The following STRADA variants were observed in gnomAD, a reference collection of about 807,000 sequenced individuals.
The protein encoded by STRADA is STE20 related adaptor alpha.
In STRADA, 26 loss-of-function variants were observed where a neutral mutation model predicts 55.0. The observed-to-expected ratio is 0.47, with a 90% CI of 0.35 to 0.66. The LOEUF (loss-of-function observed/expected upper bound fraction) is 0.66, where lower values mean the gene tolerates loss of function less well. Ranked by LOEUF, STRADA falls within the 30% of genes least tolerant of loss-of-function variation. The probability of loss-of-function intolerance (pLI) is 0.01; values close to 1 mark genes in which losing one functional copy is unlikely to be tolerated. For missense variants in STRADA, 443 were observed against 549.7 expected (o/e 0.81, Z 1.94); for synonymous variants, 197 against 210.9 (o/e 0.93, Z 0.57).
At chr17:63,734,256 T>C (rs951877780) in intron 1 of STRADA, among the ~76,000 whole-genome samples, 4 of 152,204 alleles carry the variant, frequency 2.6e-5, no homozygotes, top group African/African-American at 9.6e-5. Context: ...TCTAAGAAAC[T>C]TGTCACTGTT....
intron 2 of STRADA, chr17:63,728,127 G>A: frequency 1.9e-6 from 1 of 516,310 alleles, no homozygotes. Context: ...TATCAGACAA[G>A]CTGGTGGTAA....
chr17:63,717,509 C>G (rs2036976436), intron 4 of STRADA, among the ~76,000 whole-genome samples: 1 of 151,840 alleles, frequency 6.6e-6, no homozygotes, highest in South Asian at 2.1e-4. Flanking sequence ...TAGACAGACT[C>G]TCACTCTGTT....
intron 9 of STRADA, among the ~76,000 whole-genome samples, chr17:63,707,002 C>T (rs2143777527): frequency 6.6e-6 from 1 of 152,322 alleles, no homozygotes; most frequent in South Asian, 2.1e-4. Flanking sequence ...AATGCTCACT[C>T]TTCTCATAGG....
In STRADA at chr17:63,740,107, T is replaced by TATACACAC. The variant is rs1309095081; in HGVS notation, c.-45+1633_-45+1634insGTGTGTAT. Among the ~76,000 whole-genome samples the TATACACAC allele has an allele frequency of 1.8e-4, 9 of 49,648 alleles. 1 individual carries two copies. Among genetic ancestry groups the TATACACAC allele is most frequent in the Non-Finnish European group, 2.6e-4 (7 of 27,030 alleles). The allele number at this position is 49,648 out of a possible 152,430, so 32.6% of individuals were successfully genotyped here. ...AACACTATATATATATATATATATA[T>TATACACAC]ACATACATACATATATATATACACA... On this transcript the variant is annotated intron_variant, in intron 1 of 12. Transcript: ENST00000336174.
intron 1 of STRADA, among the ~76,000 whole-genome samples, chr17:63,728,742 A>ATT (rs2037825487): frequency 7.1e-6 from 1 of 141,492 alleles, no homozygotes; most frequent in Non-Finnish European, 1.6e-5. Context: ...CTATAAAAAA[A>ATT]AAAAAAAAAA....
At position 63,713,455 on chromosome 17, in the gene STRADA, C is replaced by T. The variant is rs1408932415; in HGVS notation, c.299G>A (p.Arg100Gln). ...YKPTGEYVTV[R>Q]RINLEACSNE... ...GGAACAAGCTTCTAGGTTAATCCTC[C>T]GTACAGTCACGTACTCTCCTGTTGG... Residue 100 changes from arginine (R) to glutamine (Q), a missense_variant, in exon 6 of 13, where the codon CGG becomes CAG. Coordinates refer to ENST00000336174, the MANE Select transcript of STRADA (RefSeq NM_001003787.4). The T allele has an allele frequency of 1.1e-5, 17 of 1,614,030 alleles. No individual in the cohort carries two copies. Among genetic ancestry groups the T allele is most frequent in the Non-Finnish European group, 1.4e-5 (17 of 1,180,028 alleles).
Position 63,714,059 on chromosome 17 carries a change from A to C in STRADA, c.173T>G (p.Val58Gly). 6.2e-7 allele frequency: 1 copy of C among 1,613,754 alleles called. No individual in the cohort carries two copies. The highest frequency in any genetic ancestry group is 1.1e-5 in the South Asian group (1 of 91,070). ...TCCCTCTGGCAGAAAGCTACTCATG[A>C]CCTCCTGTTTAGAGAAGGATGCTAT... is the stretch of plus-strand genomic sequence containing the variant. ...ESIASFSKQE[V>G]MSSFLPEGGC... is the part of the protein sequence containing the mutation. Residue 58 changes from valine to glycine, a missense_variant, in exon 5 of 13, where the codon GTC becomes GGC. By Grantham distance (109) the Val-to-Gly change is moderately radical. Coordinates refer to ENST00000336174, the MANE Select transcript of STRADA (RefSeq NM_001003787.4).
At chr17:63,707,222 A>C in intron 9 of STRADA, 25 bp downstream of exon 9, 2 of 1,611,692 alleles carry the variant, frequency 1.2e-6, no homozygotes, top group Non-Finnish European at 1.7e-6. Flanking sequence ...TGGGTAGGGG[A>C]GCTCCTCTGG....
intron 5 of STRADA, 125 bp downstream of exon 5, chr17:63,713,881 T>C: frequency 1.3e-6 from 1 of 793,322 alleles, no homozygotes; most frequent in Non-Finnish European, 2.1e-6. Flanking sequence ...CAGAAGCAAG[T>C]CTGTGCCCAT....
intron 4 of STRADA, among the ~76,000 whole-genome samples, chr17:63,721,863 G>A (rs1419149617): frequency 6.6e-6 from 1 of 152,188 alleles, no homozygotes; most frequent in Non-Finnish European, 1.5e-5. Context: ...TAAAATGGAG[G>A]CCTTCTACTT....
chr17:63,724,248 T>C lies in STRADA; in HGVS notation c.95-922A>G, dbSNP rs570142718. ...ACCTCCGCCTCCCGGGTTCAAGCGATTCTCCTGCCTCAGCCTCCCAAGTAG... is the reference window on the plus strand; with the variant it reads ...ACCTCCGCCTCCCGGGTTCAAGCGACTCTCCTGCCTCAGCCTCCCAAGTAG... On this transcript the variant is annotated intron_variant, in intron 3 of 12. Coordinates refer to ENST00000336174, the MANE Select transcript of STRADA (RefSeq NM_001003787.4). Among the ~76,000 whole-genome samples the C allele has an allele frequency of 4.3e-4, 66 of 151,908 alleles. 1 individual carries two copies. The highest frequency in any genetic ancestry group is 1.6e-3 in the African/African-American group (65 of 41,412).
chr17:63,714,019 C>T lies in STRADA; in HGVS notation c.213G>A (p.Leu71=). ...CCCTGCACATACCTATCACAGTGAG[C>T]AGCTCGTAACACCCTCCCTCTGGCA... ...SFLPEGGCYE[L]LTVIGKGFED... The change falls in exon 5 of 13, where the codon CTG becomes CTA. Residue 71 remains leucine (L), a synonymous_variant. Transcript: ENST00000336174. The T allele has an allele frequency of 6.2e-7, 1 of 1,613,528 alleles. No individual in the cohort carries two copies. Among genetic ancestry groups the T allele is most frequent in the Admixed American group, 1.7e-5 (1 of 59,998 alleles).
rs775156758 is a variant in STRADA, at chr17:63,740,137, T to TACATAC, written c.-45+1603_-45+1604insGTATGT. Among the ~76,000 whole-genome samples, 6 of 60,880 alleles carry TACATAC rather than the reference T, an allele frequency of 9.9e-5. No homozygotes were observed. The South Asian group carries it at 3.4e-3, about 34-fold the overall frequency. The allele number at this position is 60,880 out of a possible 152,430, so 39.9% of individuals were successfully genotyped here. ...ACATACATATATATATACACATACATATATATATATACACACACACACACA... is the reference window on the plus strand; with the variant it reads ...ACATACATATATATATACACATACATACATACATATATATATACACACACACACACA... On this transcript the variant is annotated intron_variant, in intron 1 of 12. Coordinates refer to ENST00000336174, the MANE Select transcript of STRADA (RefSeq NM_001003787.4).
chr17:63,725,616 T>A (rs1441145826), intron 3 of STRADA: 3 of 152,180 alleles, frequency 2.0e-5, no homozygotes, highest in Non-Finnish European at 4.4e-5. Context: ...CCTCCCAAAG[T>A]GCTGGGATTA....
chr17:63,731,036 C>T (rs1431839066), intron 1 of STRADA, among the ~76,000 whole-genome samples: 1 of 151,740 alleles, frequency 6.6e-6, no homozygotes, highest in Non-Finnish European at 1.5e-5. Context: ...CTCCGACTCC[C>T]AGGTTCCAGC....
chr17:63,741,889 G>A (rs1181337655), upstream of STRADA: 1 of 152,286 alleles, frequency 6.6e-6, no homozygotes. Flanking sequence ...AGAGCGCTCC[G>A]CCCCACCCCG....
Position 63,713,429 on chromosome 17 carries a change from TG to T in STRADA, c.324del (p.Asn109MetfsTer4). 1 of 1,614,146 alleles carries T rather than the reference TG, an allele frequency of 6.2e-7. No individual in the cohort carries two copies. The highest frequency in any genetic ancestry group is 2.2e-5 in the East Asian group (1 of 44,876). ...ACCTGCAAGAATGTTACCATCTCAT[TG>T]GAACAAGCTTCTAGGTTAATCCTCC... ...TVRRINLEACSNEMVTFLQGE... is the reference protein window; with the variant it reads ...TVRRINLEACXNEMVTFLQGE... On this transcript the variant is annotated frameshift_variant, in exon 6 of 13. Transcript: ENST00000336174. LOFTEE classifies it high-confidence loss of function.
At chr17:63,712,527 A>AGATG (rs956657409) in intron 6 of STRADA, 1 of 152,246 alleles carries the variant, frequency 6.6e-6, no homozygotes, top group Non-Finnish European at 1.5e-5. Context: ...AGCCTGGGCA[A>AGATG]GATGGTGAAA....
chr17:63,723,245 A>G, intron 4 of STRADA, 53 bp downstream of exon 4: 1 of 1,593,508 alleles, frequency 6.3e-7, no homozygotes, highest in Non-Finnish European at 8.6e-7. Context: ...AACTTCCACA[A>G]GAAGTCATCT....
Sources: gnomAD v4.1 joint callset for allele counts (sites outside exome capture counted in the v4.1 genomes callset) on GRCh38, gnomAD v4.1.1 for gene constraint, MANE v1.5 for transcripts, NCBI Gene and HGNC (gene_info 2026-07-23, HGNC 2026-07-21) for gene names.